The following RAB11FIP5 variants were observed in gnomAD, a reference collection of about 807,000 sequenced individuals.
RAB11FIP5 encodes the protein RAB11 family interacting protein 5.
RAB11FIP5 carries 48 observed loss-of-function variants against 85.1 expected under a neutral mutation model. That is an observed-to-expected ratio of 0.56 (90% CI 0.45 to 0.72). The LOEUF is 0.72. Ranked by LOEUF, RAB11FIP5 falls within the 30% of genes least tolerant of loss-of-function variation. The pLI is 0.00. For missense variants in RAB11FIP5, 1,491 were observed against 1,687.0 expected (o/e 0.88, Z 2.04); for synonymous variants, 729 against 727.3 (o/e 1.00, Z -0.04).
At chr2:73,091,441 C>G (rs555309338) in intron 1 of RAB11FIP5, among the ~76,000 whole-genome samples, 1 of 152,030 alleles carries the variant, frequency 6.6e-6, no homozygotes, top group Non-Finnish European at 1.5e-5. Context: ...GGTGACTGCA[C>G]AGCACACACA....
intron 1 of RAB11FIP5, among the ~76,000 whole-genome samples, chr2:73,098,041 T>C (rs1282201688): frequency 2.0e-5 from 3 of 152,172 alleles, no homozygotes; most frequent in African/African-American, 4.8e-5. Context: ...CCCTGTGAGG[T>C]TGATATGGGA....
intron 1 of RAB11FIP5, among the ~76,000 whole-genome samples, chr2:73,092,979 T>G (rs1358800722): frequency 6.6e-6 from 1 of 152,124 alleles, no homozygotes; most frequent in Non-Finnish European, 1.5e-5. Flanking sequence ...TGAGCTGAGA[T>G]GGCCACATCC....
rs1373076316 is a variant in RAB11FIP5, at chr2:73,078,164, A to C, written c.3581+1487T>G. On this transcript the variant is annotated intron_variant, in intron 4 of 5. Transcript: ENST00000486777. This position sits in a 1 kb window ranked among gnomAD's most constrained non-coding sequence, Gnocchi z 4.4. ...CAGGGAAGGGGAGGATGACCAGTGT[A>C]GTATAAAAGTGCCTTGAATGAGGGG... 6.6e-6 allele frequency among the ~76,000 whole-genome samples: 1 copy of C among 152,230 alleles called. No individual in the cohort carries two copies. The highest frequency in any genetic ancestry group is 1.9e-4 in the East Asian group (1 of 5,200).
chr2:73,111,953 A>T (rs1007030226), intron 1 of RAB11FIP5, among the ~76,000 whole-genome samples: 15 of 152,120 alleles, frequency 9.9e-5, no homozygotes, highest in African/African-American at 3.6e-4. Context: ...CCTGCCGGAC[A>T]GGCGCCCGCA....
chr2:73,101,668 GC>G (rs1207925220), intron 1 of RAB11FIP5, among the ~76,000 whole-genome samples: 1 of 152,102 alleles, frequency 6.6e-6, no homozygotes, highest in Non-Finnish European at 1.5e-5. Flanking sequence ...CTAAGACTGA[GC>G]CCCACCCCTG....
In RAB11FIP5 at chr2:73,112,496, G is replaced by A. The variant is rs1373862763; in HGVS notation, c.282C>T (p.Gly94=). 3 of 1,489,980 alleles carry A rather than the reference G, an allele frequency of 2.0e-6. No individual in the cohort carries two copies. The allele number at this position is 1,489,980 out of a possible 1,614,324, so 92.3% of individuals were successfully genotyped here. A position where few individuals can be genotyped will look rare whatever the true frequency, so the allele number is the denominator to read the frequency against. ...CGGAGCTCGCGGCCCAGGGCGCCGG[G>A]CCCGCGTCGGCCTCCTGCGCCCGCA... is the stretch of plus-strand genomic sequence containing the variant. ...GLLRAQEADA[G]PAPWAASSAA... Residue 94 remains glycine, a synonymous_variant, in exon 1 of 6, where the codon GGC becomes GGT. Transcript: ENST00000486777.
chr2:73,081,288 C>T lies in RAB11FIP5; in HGVS notation c.1944G>A (p.Trp648Ter). 1.6e-6 allele frequency: 2 copies of T among 1,232,704 alleles called. No homozygotes were observed. Among genetic ancestry groups the T allele is most frequent in the Non-Finnish European group, 1.0e-6 (1 of 988,406 alleles). The allele number at this position is 1,232,704 out of a possible 1,614,324, so 76.4% of individuals were successfully genotyped here. ...CAGCAAAGACGTTGAAGGTGTTGTC[C>T]CACTCAGGCAGGGCTTTCCCAGGGG... Reference protein sequence around the residue: ...LASPGKALPEWDNTFNVFAAS... With the variant: ...LASPGKALPE The change falls in exon 4 of 6, where the codon TGG (tryptophan) becomes TGA (stop). Residue 648 changes from tryptophan to a stop codon, truncating the protein, a stop_gained. Transcript: ENST00000486777. LOFTEE classifies it high-confidence loss of function. The surrounding 1 kb of genome is among the most constrained non-coding windows in gnomAD (Gnocchi z 4.2).
At position 73,096,139 on chromosome 2, in the gene RAB11FIP5, C is replaced by A. The variant is rs536549531; in HGVS notation, c.432-6824G>T. Among the ~76,000 whole-genome samples the A allele has an allele frequency of 3.5e-3, 536 of 152,320 alleles. 5 individuals are homozygous for A. The highest frequency in any genetic ancestry group is 0.012 in the African/African-American group (512 of 41,562). ...GTCTCGGCCCTCAGCCTCCCCCCAC[C>A]CACCACCAAAGCAGAGGACAAAGTG... On this transcript the variant is annotated intron_variant, in intron 1 of 5. Coordinates refer to ENST00000486777, the MANE Select transcript of RAB11FIP5 (RefSeq NM_001371272.1).
Position 73,074,775 on chromosome 2 carries a change from G to A in RAB11FIP5, c.*746C>T, listed in dbSNP as rs1021402668. ...ACACATTGGAGGTGGTCAAGAGCTCGAAAAGCAAAAAGGTGCTCTCTCCGC... is the reference window on the plus strand; with the variant it reads ...ACACATTGGAGGTGGTCAAGAGCTCAAAAAGCAAAAAGGTGCTCTCTCCGC... On this transcript the variant is annotated 3_prime_UTR_variant, in exon 6 of 6. Transcript: ENST00000486777. The A allele has an allele frequency of 1.6e-5, 3 of 186,874 alleles. No homozygotes were observed. Among genetic ancestry groups the A allele is most frequent in the Non-Finnish European group, 3.4e-5 (3 of 87,264 alleles). The allele number at this position is 186,874 out of a possible 1,614,324, so 11.6% of individuals were successfully genotyped here.
chr2:73,095,916 C>T (rs1684309424), intron 1 of RAB11FIP5, among the ~76,000 whole-genome samples: 1 of 152,204 alleles, frequency 6.6e-6, no homozygotes, highest in Non-Finnish European at 1.5e-5. Context: ...CTGAGGGGAC[C>T]TCAGGGTTTT....
intron 1 of RAB11FIP5, 145 bp downstream of exon 1, chr2:73,112,202 G>A (rs1033196557): frequency 9.8e-7 from 1 of 1,019,102 alleles, no homozygotes. Flanking sequence ...CCCGAAATGC[G>A]AAGAACCAAC....
intron 3 of RAB11FIP5, among the ~76,000 whole-genome samples, chr2:73,083,058 C>T (rs1684020192): frequency 6.6e-6 from 1 of 152,242 alleles, no homozygotes; most frequent in Non-Finnish European, 1.5e-5. Context: ...CTGGGGAAAC[C>T]CCTACACATC....
rs374531295 is a variant in RAB11FIP5, at chr2:73,112,389, G to A, written c.389C>T (p.Ala130Val). ...VDKFLGQATVALDEVFGAGRA... is the reference protein window; with the variant it reads ...VDKFLGQATVVLDEVFGAGRA... ...GCCTGCGCCGAAGACCTCGTCCAGC[G>A]CCACCGTGGCCTGGCCCAGGAACTT... The change falls in exon 1 of 6, where the codon GCG becomes GTG. Residue 130 changes from alanine (A) to valine (V), a missense_variant. Coordinates refer to ENST00000486777, the MANE Select transcript of RAB11FIP5 (RefSeq NM_001371272.1). The A allele has an allele frequency of 6.2e-7, 1 of 1,600,596 alleles. No homozygotes were observed. Among genetic ancestry groups the A allele is most frequent in the Non-Finnish European group, 8.5e-7 (1 of 1,176,526 alleles).
chr2:73,094,913 G>T (rs1258524356), intron 1 of RAB11FIP5, among the ~76,000 whole-genome samples: 3 of 151,716 alleles, frequency 2.0e-5, no homozygotes, highest in Non-Finnish European at 4.4e-5. Context: ...GTGTTAAGAT[G>T]AATTAGGCCT....
intron 1 of RAB11FIP5, among the ~76,000 whole-genome samples, chr2:73,098,534 C>T (rs953206298): frequency 1.3e-5 from 2 of 152,190 alleles, no homozygotes; most frequent in Admixed American, 6.5e-5. Context: ...GGTAAGGAGA[C>T]GTGCACTGGG....
intron 3 of RAB11FIP5, among the ~76,000 whole-genome samples, chr2:73,083,777 C>T (rs1168374093): frequency 6.6e-6 from 1 of 152,190 alleles, no homozygotes; most frequent in Non-Finnish European, 1.5e-5. Flanking sequence ...AGCCCACTTG[C>T]CATTAGTGCA....
intron 1 of RAB11FIP5, among the ~76,000 whole-genome samples, chr2:73,109,180 C>T (rs1684593896): frequency 6.6e-6 from 1 of 152,210 alleles, no homozygotes; most frequent in South Asian, 2.1e-4. Flanking sequence ...CATTAGTTTC[C>T]TTGTGTACTA....
chr2:73,075,869 A>G lies in RAB11FIP5; in HGVS notation c.3771+124T>C. 1 of 1,449,240 alleles carries G rather than the reference A, an allele frequency of 6.9e-7. No homozygotes were observed. Among genetic ancestry groups the G allele is most frequent in the Non-Finnish European group, 9.4e-7 (1 of 1,062,840 alleles). The allele number at this position is 1,449,240 out of a possible 1,614,324, so 89.8% of individuals were successfully genotyped here. On this transcript the variant is annotated intron_variant, in intron 5 of 5. Coordinates refer to ENST00000486777, the MANE Select transcript of RAB11FIP5 (RefSeq NM_001371272.1). This position sits in a 1 kb window ranked among gnomAD's most constrained non-coding sequence, Gnocchi z 4.6. Reference sequence around the variant, plus strand: ...CTGCCTGTCTCCAAAGTCAGAGCCTAACTGGCTTCAGGACTCTGATATGGG... The same window carrying G: ...CTGCCTGTCTCCAAAGTCAGAGCCTGACTGGCTTCAGGACTCTGATATGGG...
chr2:73,098,335 A>G (rs1684363233), intron 1 of RAB11FIP5, among the ~76,000 whole-genome samples: 2 of 152,246 alleles, frequency 1.3e-5, no homozygotes, highest in African/African-American at 2.4e-5. Context: ...GGGATGCTCA[A>G]CTGGCCAGAT....
Sources: gnomAD v4.1 joint callset for allele counts (sites outside exome capture counted in the v4.1 genomes callset) on GRCh38, gnomAD v4.1.1 for gene constraint, Gnocchi (gnomAD v3.1) non-coding constraint, MANE v1.5 for transcripts, NCBI Gene and HGNC (gene_info 2026-07-23, HGNC 2026-07-21) for gene names.